Variants in LRRC7 observed in about 807,000 individuals in gnomAD.
LRRC7 encodes leucine-rich repeat-containing protein 7.
LRRC7 carries 23 observed loss-of-function variants against 175.7 expected under a neutral mutation model. The observed-to-expected ratio is 0.13, with a 90% CI of 0.09 to 0.19. The LOEUF (loss-of-function observed/expected upper bound fraction) is 0.19, where lower values mean the gene tolerates loss of function less well. Among genes scored for constraint, LRRC7 ranks in the 10% least tolerant of loss-of-function variants. LRRC7 has a pLI of 1.00. For synonymous variants in LRRC7, 685 were observed against 680.9 expected (o/e 1.01, Z -0.09); for missense variants, 1,354 against 1,904.7 (o/e 0.71, Z 5.38).
chr1:70,051,531 T>C (rs1339879275), intron 22 of LRRC7, among the ~76,000 whole-genome samples: 3 of 152,026 alleles, frequency 2.0e-5, no homozygotes, highest in Admixed American at 2.0e-4. Flanking sequence ...CAGACAGTCG[T>C]TGAATAGCTA....
At chr1:70,076,403 A>G in intron 24 of LRRC7, 105 bp downstream of exon 24, 5 of 971,568 alleles carry the variant, frequency 5.1e-6, no homozygotes, top group South Asian at 3.1e-5. Context: ...CAATGCCATC[A>G]CCATGTTGAA....
At chr1:69,936,224 A>G (rs890656341) in intron 8 of LRRC7, among the ~76,000 whole-genome samples, 1 of 152,108 alleles carries the variant, frequency 6.6e-6, no homozygotes, top group Admixed American at 6.6e-5. Context: ...GCATCTGGAC[A>G]TTTACTTTTT....
chr1:69,641,156 AAATT>A (rs1235518490), intron 1 of LRRC7, among the ~76,000 whole-genome samples: 1 of 151,654 alleles, frequency 6.6e-6, no homozygotes, highest in African/African-American at 2.4e-5. Flanking sequence ...CATTAGGAAT[AAATT>A]CACTCACTCT....
intron 1 of LRRC7, among the ~76,000 whole-genome samples, chr1:69,675,103 C>A (rs1659592205): frequency 6.6e-6 from 1 of 152,046 alleles, no homozygotes; most frequent in African/African-American, 2.4e-5. Context: ...GAGGTTAAGC[C>A]CAGGCATTCT....
chr1:69,605,834 T>G (rs1269449816), intron 1 of LRRC7, among the ~76,000 whole-genome samples: 1 of 152,084 alleles, frequency 6.6e-6, no homozygotes, highest in African/African-American at 2.4e-5. Context: ...TTATTTAGAA[T>G]GAAAATCTAC....
At chr1:70,060,754 C>T (rs919214970) in intron 23 of LRRC7, among the ~76,000 whole-genome samples, 1 of 152,116 alleles carries the variant, frequency 6.6e-6, no homozygotes, top group African/African-American at 2.4e-5. Context: ...ACCTCAAAGT[C>T]AAGAATATCT....
At chr1:69,784,107 T>C (rs79124371) in intron 3 of LRRC7, among the ~76,000 whole-genome samples, 1,931 of 152,212 alleles carry the variant, frequency 0.013, 47 homozygotes, top group African/African-American at 0.044. Context: ...ATTAATAACA[T>C]AATATCAAAT....
intron 4 of LRRC7, among the ~76,000 whole-genome samples, chr1:69,794,794 C>G (rs1404052915): frequency 6.6e-6 from 1 of 152,112 alleles, no homozygotes; most frequent in Non-Finnish European, 1.5e-5. Context: ...TCTCTTACAT[C>G]AAGAAATGTT....
At chr1:69,641,643 A>G (rs1212930816) in intron 1 of LRRC7, among the ~76,000 whole-genome samples, 1 of 151,694 alleles carries the variant, frequency 6.6e-6, no homozygotes, top group Non-Finnish European at 1.5e-5. Context: ...TTTAACCAAA[A>G]TAATCAACTT....
intron 7 of LRRC7, among the ~76,000 whole-genome samples, chr1:69,898,266 C>T (rs1646034938): frequency 6.6e-6 from 1 of 152,102 alleles, no homozygotes; most frequent in Admixed American, 6.6e-5. Context: ...ATGGTATATT[C>T]AAGTGGAGCC....
At chr1:69,975,812 G>A (rs1019769620) in intron 8 of LRRC7, among the ~76,000 whole-genome samples, 20 of 151,920 alleles carry the variant, frequency 1.3e-4, no homozygotes, top group African/African-American at 4.8e-4. Flanking sequence ...GAACAAATGA[G>A]GTGCCTCACT....
intron 2 of LRRC7, among the ~76,000 whole-genome samples, chr1:69,717,822 GAA>G (rs1269492557): frequency 0.018 from 425 of 23,094 alleles, 26 homozygotes; most frequent in Non-Finnish European, 0.022. Flanking sequence ...AAGAAAGAAA[GAA>G]AGAAAGAAAG....
intron 7 of LRRC7, among the ~76,000 whole-genome samples, chr1:69,907,146 T>G (rs1162248164): frequency 6.6e-6 from 1 of 152,170 alleles, no homozygotes; most frequent in South Asian, 2.1e-4. Context: ...CTTCTCAGCT[T>G]AAGGAGATTT....
In LRRC7 at chr1:69,901,310, T is replaced by C. The variant is rs375754331; in HGVS notation, c.648-30197T>C. On this transcript the variant is annotated intron_variant, in intron 7 of 26. Coordinates refer to ENST00000651989, the MANE Select transcript of LRRC7 (RefSeq NM_001370785.2). Reference sequence around the variant, plus strand: ...AGAATACATAGGTGTTTGTAACTAATTGGAGAATGACAGAGAAAAAAGTTT... The same window carrying C: ...AGAATACATAGGTGTTTGTAACTAACTGGAGAATGACAGAGAAAAAAGTTT... 1.6e-4 allele frequency among the ~76,000 whole-genome samples: 24 copies of C among 152,200 alleles called. 1 individual carries two copies. The highest frequency in any genetic ancestry group is 1.3e-3 in the East Asian group (7 of 5,202).
chr1:69,860,338 A>G (rs1221886898), intron 7 of LRRC7, among the ~76,000 whole-genome samples: 3 of 152,016 alleles, frequency 2.0e-5, no homozygotes, highest in African/African-American at 7.2e-5. Flanking sequence ...AAGTATAATT[A>G]TAATATAGGT....
chr1:70,016,407 T>G (rs1656966808), intron 13 of LRRC7, 58 bp from the exon 14 acceptor site: 3 of 1,240,844 alleles, frequency 2.4e-6, no homozygotes, highest in Non-Finnish European at 3.3e-6. Flanking sequence ...AAATAATTCT[T>G]AGAAATGAAC....
chr1:69,650,242 A>T (rs1655598590), intron 1 of LRRC7, among the ~76,000 whole-genome samples: 1 of 152,076 alleles, frequency 6.6e-6, no homozygotes, highest in South Asian at 2.1e-4. Context: ...AAACATTTTC[A>T]TAAAAAGCCA....
chr1:69,980,593 G>T, intron 9 of LRRC7, 140 bp downstream of exon 9: 5 of 609,682 alleles, frequency 8.2e-6, no homozygotes, highest in South Asian at 2.5e-5. Context: ...GTCACCAAGT[G>T]TTTTCACCAT....
At chr1:69,925,650 C>T (rs151176203) in intron 7 of LRRC7, among the ~76,000 whole-genome samples, 1,893 of 152,166 alleles carry the variant, frequency 0.012, 35 homozygotes, top group African/African-American at 0.043. Context: ...TGTGATATCC[C>T]CTTTATCATT....
Sources: gnomAD v4.1 joint callset for allele counts (sites outside exome capture counted in the v4.1 genomes callset) on GRCh38, gnomAD v4.1.1 for gene constraint, MANE v1.5 for transcripts, NCBI Gene and HGNC (gene_info 2026-07-23, HGNC 2026-07-21) for gene names.